BLM: variants seen among roughly 807,000 people sequenced by gnomAD.
BLM encodes the protein BLM RecQ like helicase.
BLM carries 95 observed loss-of-function variants against 135.3 expected under a neutral mutation model. That is an observed-to-expected ratio of 0.70 (90% confidence interval 0.59 to 0.83). The LOEUF (loss-of-function observed/expected upper bound fraction) is 0.83. Among genes scored for constraint, BLM ranks in the 40% least tolerant of loss-of-function variants. The pLI, the probability that BLM is intolerant of heterozygous loss-of-function variation, is 0.00. For synonymous variants in BLM, 520 were observed against 589.2 expected (o/e 0.88, Z 1.70); for missense variants, 1,518 against 1,663.9 (o/e 0.91, Z 1.53).
chr15:90,775,359 T>G (rs748604601), intron 12 of BLM, among the ~76,000 whole-genome samples: 1 of 152,018 alleles, frequency 6.6e-6, no homozygotes, highest in Non-Finnish European at 1.5e-5. Context: ...ATGACCACGA[T>G]AGCCATCTTC....
chr15:90,797,414 CAAAAAAAAAAAAAAAAA>C (rs56369282), intron 16 of BLM, among the ~76,000 whole-genome samples: 25,861 of 110,384 alleles, frequency 0.23, 2,644 homozygotes, highest in African/African-American at 0.33. Context: ...AACTCCATCT[CAAAAAAAAAAAAAAAAA>C]AAAAAAAAAA....
chr15:90,774,807 C>CAAAAAAAAAAAAAAAAAAAAAAA (rs530219766), intron 12 of BLM, among the ~76,000 whole-genome samples: 1 of 114,570 alleles, frequency 8.7e-6, no homozygotes, highest in Non-Finnish European at 1.9e-5. Flanking sequence ...ACACTCCAGC[C>CAAAAAAAAAAAAAAAAAAAAAAA]AAAAAAAAAA....
chr15:90,781,124 G>C (rs1247147464), intron 12 of BLM, among the ~76,000 whole-genome samples: 4 of 152,222 alleles, frequency 2.6e-5, no homozygotes, highest in African/African-American at 2.4e-5. Flanking sequence ...AAGAATAGTA[G>C]ACCAGAGGAA....
intron 12 of BLM, among the ~76,000 whole-genome samples, chr15:90,782,487 A>G (rs1329747210): frequency 2.0e-5 from 3 of 152,186 alleles, no homozygotes; most frequent in Non-Finnish European, 2.9e-5. Flanking sequence ...ACAGAAATTT[A>G]TTTCTCTTGG....
Position 90,804,224 on chromosome 15 carries a change from G to A in BLM, c.3616G>A (p.Ala1206Thr), listed in dbSNP as rs1897234089. The change falls in exon 19 of 22, where the codon GCA becomes ACA. Residue 1206 changes from alanine (A) to threonine (T), a missense_variant. Transcript: ENST00000355112. The part of the protein sequence containing the change: ...SSVKKQKALV[A>T]KVSQREEMVK... ...TGTGAAAAAACAAAAAGCGTTAGTA[G>A]CAAAAGTGTCTCAGAGGGAAGAGAT... The A allele has an allele frequency of 1.9e-6, 3 of 1,614,176 alleles. No individual in the cohort carries two copies. The highest frequency in any genetic ancestry group is 1.1e-5 in the South Asian group (1 of 91,086).
Position 90,811,381 on chromosome 15 carries a change from G to A in BLM, c.4051G>A (p.Ala1351Thr). 6.2e-7 allele frequency: 1 copy of A among 1,614,174 alleles called. No individual in the cohort carries two copies. Reference sequence around the variant, plus strand: ...CCAAAGGTCTAAGAGGAGAAAAACTGCTTCCAGTGGTTCCAAGGCAAAGGG... The same window carrying A: ...CCAAAGGTCTAAGAGGAGAAAAACTACTTCCAGTGGTTCCAAGGCAAAGGG... ...ASQRSKRRKT[A>T]SSGSKAKGGS... The change falls in exon 21 of 22, where the codon GCT becomes ACT. Residue 1351 changes from alanine (A) to threonine (T), a missense_variant. Physicochemically the swap from Ala to Thr is moderately conservative, Grantham distance 58. This residue lies in a region of BLM where 153 missense variants were observed against 173.4 expected (regional missense o/e 0.88). Coordinates refer to ENST00000355112, the MANE Select transcript of BLM (RefSeq NM_000057.4).
intron 8 of BLM, among the ~76,000 whole-genome samples, chr15:90,763,456 A>C (rs1225107605): frequency 6.6e-6 from 1 of 152,224 alleles, no homozygotes; most frequent in Non-Finnish European, 1.5e-5. Flanking sequence ...ATCAAACAGA[A>C]AAATCGCTGT....
intron 1 of BLM, among the ~76,000 whole-genome samples, chr15:90,745,805 A>G (rs762888543): frequency 8.6e-5 from 13 of 150,950 alleles, no homozygotes; most frequent in Non-Finnish European, 1.8e-4. Context: ...CTGGCTACGC[A>G]TGGCTCACAC....
intron 1 of BLM, among the ~76,000 whole-genome samples, chr15:90,745,484 A>C (rs2151143538): frequency 6.6e-6 from 1 of 152,258 alleles, no homozygotes; most frequent in African/African-American, 2.4e-5. Context: ...ATCTCAGCTC[A>C]CTGCAATATC....
chr15:90,804,427 A>G, intron 19 of BLM, 68 bp downstream of exon 19: 1 of 1,465,826 alleles, frequency 6.8e-7, no homozygotes, highest in Non-Finnish European at 9.5e-7. Context: ...TTGCTAGGGA[A>G]CTCCTTAAGT....
chr15:90,762,076 C>T (rs189278671), intron 7 of BLM, among the ~76,000 whole-genome samples: 140 of 152,224 alleles, frequency 9.2e-4, no homozygotes, highest in Admixed American at 3.9e-3. Flanking sequence ...TTTAAAACAA[C>T]GATTAATGGA....
intron 9 of BLM, among the ~76,000 whole-genome samples, chr15:90,766,160 C>T (rs1201140337): frequency 6.6e-6 from 1 of 152,126 alleles, no homozygotes; most frequent in Non-Finnish European, 1.5e-5. Flanking sequence ...CACCACCCCT[C>T]AATAAGACCA....
rs777647725 is a variant in BLM at position 90,761,144 on chromosome 15, C to T, written c.1771C>T (p.Arg591Trp). Residue 591 changes from arginine to tryptophan, a missense_variant, in exon 7 of 22, where the codon CGG becomes TGG. By Grantham distance (101) the Arg-to-Trp change is moderately radical (BLOSUM62 -3). Coordinates refer to ENST00000355112, the MANE Select transcript of BLM (RefSeq NM_000057.4). ...TGCCTATCAACCCATCAAGGAAGGT[C>T]GGCCAATTAAATCAGTATCAGAAAG... ...TAAYQPIKEG[R>W]PIKSVSERLS... 12 of 1,532,256 alleles carry T rather than the reference C, an allele frequency of 7.8e-6. No homozygotes were observed. The highest frequency in any genetic ancestry group is 6.6e-5 in the South Asian group (5 of 75,260). The allele number at this position is 1,532,256 out of a possible 1,614,324, so 94.9% of individuals were successfully genotyped here.
In BLM at chr15:90,815,635, C is replaced by A; in HGVS notation, c.*356C>A. 1 of 292,968 alleles carries A rather than the reference C, an allele frequency of 3.4e-6. No individual in the cohort carries two copies. The highest frequency in any genetic ancestry group is 6.5e-6 in the Non-Finnish European group (1 of 154,798). The allele number at this position is 292,968 out of a possible 1,614,324, so 18.1% of individuals were successfully genotyped here. A position where few individuals can be genotyped will look rare whatever the true frequency, so the allele number is the denominator to read the frequency against. ...AGCTTTTCGTGTAAGACAACACAAA[C>A]AAAATTTAAAGACAAATGACGGGGA... On this transcript the variant is annotated 3_prime_UTR_variant, in exon 22 of 22. Transcript: ENST00000355112. This position sits in a 1 kb window ranked among gnomAD's most constrained non-coding sequence, Gnocchi z 4.6.
intron 2 of BLM, among the ~76,000 whole-genome samples, chr15:90,749,040 T>G (rs996367034): frequency 1.3e-5 from 2 of 152,172 alleles, no homozygotes; most frequent in African/African-American, 4.8e-5. Flanking sequence ...ATTACAGGCA[T>G]GAGCCACTGC....
In BLM at chr15:90,749,391, A is replaced by G; in HGVS notation, c.123A>G (p.Thr41=). Residue 41 remains threonine, a synonymous_variant, in exon 3 of 22, where the codon ACA becomes ACG. Coordinates refer to ENST00000355112, the MANE Select transcript of BLM (RefSeq NM_000057.4). ...KFSGFTFKKK[T]SSDNNVSVTN... Reference sequence around the variant, plus strand: ...GAGGTTTCACTTTTAAAAAGAAAACATCTTCAGATAACAATGTATCTGTAA... The same window carrying G: ...GAGGTTTCACTTTTAAAAAGAAAACGTCTTCAGATAACAATGTATCTGTAA... The G allele has an allele frequency of 6.2e-7, 1 of 1,605,266 alleles. No individual in the cohort carries two copies. Among genetic ancestry groups the G allele is most frequent in the Non-Finnish European group, 8.5e-7 (1 of 1,172,894 alleles).
intron 1 of BLM, among the ~76,000 whole-genome samples, chr15:90,739,680 A>C (rs886665345): frequency 1.3e-5 from 2 of 152,218 alleles, no homozygotes; most frequent in Non-Finnish European, 2.9e-5. Flanking sequence ...GAGTCTGCTG[A>C]TGACAAACTA....
chr15:90,786,161 T>C lies in BLM; in HGVS notation c.2823+1080T>C, dbSNP rs75603754. ...CACCACTATGCCTGGCTAATTTTTTTATTTTTTGTATAGACGAGGTCTCCC... is the reference window on the plus strand; with the variant it reads ...CACCACTATGCCTGGCTAATTTTTTCATTTTTTGTATAGACGAGGTCTCCC... On this transcript the variant is annotated intron_variant, in intron 14 of 21. Coordinates refer to ENST00000355112, the MANE Select transcript of BLM (RefSeq NM_000057.4). Among the ~76,000 whole-genome samples, 8 of 152,152 alleles carry C rather than the reference T, an allele frequency of 5.3e-5. No individual in the cohort carries two copies. The South Asian group carries it at 1.7e-3, about 32-fold the overall frequency.
At chr15:90,717,645 G>A (rs1177982921) in intron 1 of BLM, among the ~76,000 whole-genome samples, 2 of 152,234 alleles carry the variant, frequency 1.3e-5, no homozygotes, top group Non-Finnish European at 1.5e-5. Context: ...GAGGCCCGGG[G>A]CGGGGGCGAA....
Sources: gnomAD v4.1 joint callset for allele counts (sites outside exome capture counted in the v4.1 genomes callset) on GRCh38, gnomAD v4.1.1 for gene constraint, gnomAD v4.1.1 regional missense constraint, Gnocchi (gnomAD v3.1) non-coding constraint, MANE v1.5 for transcripts, NCBI Gene and HGNC (gene_info 2026-07-23, HGNC 2026-07-21) for gene names.